KNDC1: variants seen among roughly 807,000 people sequenced by gnomAD.
KNDC1 encodes kinase non-catalytic C-lobe domain containing 1, also known as kinase non-catalytic C-lobe domain-containing protein 1.
In KNDC1, 106 loss-of-function variants were observed where a neutral mutation model predicts 172.8. The observed-to-expected ratio is 0.61, with a 90% CI of 0.52 to 0.72. The LOEUF (loss-of-function observed/expected upper bound fraction) is 0.72, where lower values mean the gene tolerates loss of function less well. Ranked by LOEUF, KNDC1 falls within the 30% of genes least tolerant of loss-of-function variation. The pLI is 0.00. For missense variants in KNDC1, 2,325 were observed against 2,394.5 expected (o/e 0.97, Z 0.61); for synonymous variants, 1,083 against 1,062.2 (o/e 1.02, Z -0.38).
rs1853776371 is a variant in KNDC1, at chr10:133,183,198, T to C, written c.361-146T>C. 4 of 994,332 alleles carry C rather than the reference T, an allele frequency of 4.0e-6. No individual in the cohort carries two copies. In the South Asian group the frequency reaches 6.8e-5, roughly 17 times the overall value. The allele number at this position is 994,332 out of a possible 1,614,324, so 61.6% of individuals were successfully genotyped here. Reference sequence around the variant, plus strand: ...GGCGTGGGCGCGGGCGGCAAGGGTGTGGGCAGCGTGGGCACGGGTGCTGCT... The same window carrying C: ...GGCGTGGGCGCGGGCGGCAAGGGTGCGGGCAGCGTGGGCACGGGTGCTGCT... On this transcript the variant is annotated intron_variant, in intron 3 of 29. Coordinates refer to ENST00000304613, the MANE Select transcript of KNDC1 (RefSeq NM_152643.8).
At chr10:133,191,378 CAG>C (rs1337152656) in intron 9 of KNDC1, among the ~76,000 whole-genome samples, 1 of 150,988 alleles carries the variant, frequency 6.6e-6, no homozygotes, top group African/African-American at 2.4e-5. Flanking sequence ...GCCTGGATGA[CAG>C]AGCCAGACCC....
intron 4 of KNDC1, 29 bp from the exon 5 acceptor site, chr10:133,183,843 C>T (rs1228458603): frequency 2.0e-6 from 3 of 1,511,938 alleles, no homozygotes; most frequent in Non-Finnish European, 2.7e-6. Context: ...TCCTCCGAGC[C>T]TTCCTGTCTG....
rs1346212811 is a variant in KNDC1 at position 133,225,573 on chromosome 10, G to A, written c.*683G>A. 1 of 152,932 alleles carries A rather than the reference G, an allele frequency of 6.5e-6. No individual in the cohort carries two copies. The highest frequency in any genetic ancestry group is 1.9e-4 in the East Asian group (1 of 5,186). The allele number at this position is 152,932 out of a possible 1,614,324, so 9.5% of individuals were successfully genotyped here. A position where few individuals can be genotyped will look rare whatever the true frequency, so the allele number is the denominator to read the frequency against. On this transcript the variant is annotated 3_prime_UTR_variant, in exon 30 of 30. Coordinates refer to ENST00000304613, the MANE Select transcript of KNDC1 (RefSeq NM_152643.8). ...CTCCCCCAGGGCCCAGGGCCCCCCAGCTTAGAACAGCCCTTGGTGAGGTGG... is the reference window on the plus strand; with the variant it reads ...CTCCCCCAGGGCCCAGGGCCCCCCAACTTAGAACAGCCCTTGGTGAGGTGG...
At chr10:133,216,200 G>A (rs1845465934) in intron 26 of KNDC1, among the ~76,000 whole-genome samples, 1 of 152,180 alleles carries the variant, frequency 6.6e-6, no homozygotes. Context: ...TTCTGACGAT[G>A]CCTGGAGTGA....
intron 5 of KNDC1, among the ~76,000 whole-genome samples, chr10:133,184,362 C>T (rs1853826796): frequency 1.3e-5 from 2 of 151,962 alleles, no homozygotes; most frequent in South Asian, 4.2e-4. Context: ...CGCTGCAACA[C>T]ACCCATGCAC....
intron 10 of KNDC1, among the ~76,000 whole-genome samples, chr10:133,196,461 G>T (rs563422636): frequency 7.0e-4 from 107 of 152,308 alleles, no homozygotes; most frequent in African/African-American, 2.5e-3. Flanking sequence ...ACCTCCTGGG[G>T]AGGAGCCGTG....
At position 133,208,750 on chromosome 10, in the gene KNDC1, C is replaced by CGTGTGCGTGACTGGGCACGTGTGCA. The variant is rs1470175225; in HGVS notation, c.3794+1405_3794+1429dup. ...TCTCTGTGCCGTTGCGGGAGACGTC[C>CGTGTGCGTGACTGGGCACGTGTGCA]GTGTGCGTGACTGGGCACGTGTGCA... On this transcript the variant is annotated intron_variant, in intron 20 of 29. Transcript: ENST00000304613. 1.2e-4 allele frequency among the ~76,000 whole-genome samples: 19 copies of CGTGTGCGTGACTGGGCACGTGTGCA among 152,300 alleles called. No homozygotes were observed. The East Asian group carries it at 3.7e-3, about 29-fold the overall frequency.
rs768486179 is a variant in KNDC1, at chr10:133,224,938, G to A, written c.*48G>A. The A allele has an allele frequency of 3.4e-6, 5 of 1,479,462 alleles. No homozygotes were observed. The highest frequency in any genetic ancestry group is 3.7e-6 in the Non-Finnish European group (4 of 1,067,694). 91.6% of individuals were successfully genotyped at this position (1,479,462 alleles called of 1,614,324 possible). On this transcript the variant is annotated 3_prime_UTR_variant, in exon 30 of 30. Coordinates refer to ENST00000304613, the MANE Select transcript of KNDC1 (RefSeq NM_152643.8). This position sits in a 1 kb window ranked among gnomAD's most constrained non-coding sequence, Gnocchi z 5.4. ...ATTCCAGATCCGAATCCGACTGTGG[G>A]GGGCGGGCTGGGAGGTGGGAGCCGC... is the stretch of plus-strand genomic sequence containing the variant.
At chr10:133,222,084 C>A (rs1319977331) in intron 29 of KNDC1, among the ~76,000 whole-genome samples, 7 of 150,360 alleles carry the variant, frequency 4.7e-5, no homozygotes. Flanking sequence ...GAGTTCAAGA[C>A]CAGCCTGGCC....
chr10:133,181,440 C>T (rs903101352), intron 3 of KNDC1, among the ~76,000 whole-genome samples: 48 of 152,208 alleles, frequency 3.2e-4, no homozygotes, highest in Admixed American at 5.9e-4. Context: ...GTGGCTGGGG[C>T]CGGTGCCAGG....
rs957249319 is a variant in KNDC1, at chr10:133,225,954, G to A, written c.*1064G>A. The A allele has an allele frequency of 1.2e-4, 19 of 152,376 alleles. No homozygotes were observed. The highest frequency in any genetic ancestry group is 3.9e-4 in the East Asian group (2 of 5,174). The allele number at this position is 152,376 out of a possible 1,614,324, so 9.4% of individuals were successfully genotyped here. A position where few individuals can be genotyped will look rare whatever the true frequency, so the allele number is the denominator to read the frequency against. Reference sequence around the variant, plus strand: ...GCTGGGTGACCAGAGCCCCGGGCACGGCCCCAGCTCCGTGGGGCTCTCACG... The same window carrying A: ...GCTGGGTGACCAGAGCCCCGGGCACAGCCCCAGCTCCGTGGGGCTCTCACG... On this transcript the variant is annotated 3_prime_UTR_variant, in exon 30 of 30. Coordinates refer to ENST00000304613, the MANE Select transcript of KNDC1 (RefSeq NM_152643.8).
intron 3 of KNDC1, among the ~76,000 whole-genome samples, chr10:133,175,445 A>G (rs922233152): frequency 9.3e-5 from 13 of 139,442 alleles, no homozygotes; most frequent in Non-Finnish European, 1.7e-4. Context: ...GAGTGGATGG[A>G]TGGGTGGGTG....
intron 3 of KNDC1, among the ~76,000 whole-genome samples, chr10:133,178,188 T>C (rs533161839): frequency 6.6e-6 from 1 of 152,068 alleles, no homozygotes; most frequent in South Asian, 2.1e-4. Flanking sequence ...CATGCATGTG[T>C]GTGCAGTGTG....
At position 133,183,412 on chromosome 10, in the gene KNDC1, A is replaced by G; in HGVS notation, c.429A>G (p.Glu143=). 1 of 1,603,920 alleles carries G rather than the reference A, an allele frequency of 6.2e-7. No homozygotes were observed. Among genetic ancestry groups the G allele is most frequent in the South Asian group, 1.1e-5 (1 of 89,202 alleles). The change falls in exon 4 of 30, where the codon GAA becomes GAG. Residue 143 remains glutamate, a synonymous_variant. Coordinates refer to ENST00000304613, the MANE Select transcript of KNDC1 (RefSeq NM_152643.8). ...ALEYVAEPTL[E]PRLSQDLEAL... is the part of the protein sequence containing the mutation. ...AGTACGTGGCAGAGCCCACACTGGA[A>G]CCCAGGCTGAGCCAAGACCTCGAGG...
chr10:133,201,842 G>T lies in KNDC1; in HGVS notation c.3331G>T (p.Val1111Leu). Residue 1111 changes from valine to leucine, a missense_variant, in exon 17 of 30, where the codon GTG (valine) becomes TTG (leucine). Physicochemically the swap from Val to Leu is conservative, Grantham distance 32. Transcript: ENST00000304613. Reference sequence around the variant, plus strand: ...CTTCGGGGCCGACGTCCACAACTACGTGAAGGACCTGGGGCGGCAGCAGGC... The same window carrying T: ...CTTCGGGGCCGACGTCCACAACTACTTGAAGGACCTGGGGCGGCAGCAGGC... ...DCFGADVHNY[V>L]KDLGRQQADG... is the part of the protein sequence containing the mutation. 6.7e-7 allele frequency: 1 copy of T among 1,486,650 alleles called. No homozygotes were observed. The highest frequency in any genetic ancestry group is 8.9e-7 in the Non-Finnish European group (1 of 1,119,794). 92.1% of individuals were successfully genotyped at this position (1,486,650 alleles called of 1,614,324 possible).
rs1382293220 is a variant in KNDC1, at chr10:133,213,730, G to A, written c.4526+3G>A. 1.1e-5 allele frequency: 18 copies of A among 1,613,626 alleles called. No homozygotes were observed. The highest frequency in any genetic ancestry group is 1.5e-5 in the Non-Finnish European group (18 of 1,179,776). ...GACAAGAGCACTGCCATCCCCAAGT[G>A]AGCGTCCGGGACCCTCAGCTGGGAG... On this transcript the variant is annotated splice_donor_region_variant and intron_variant, in intron 25 of 29. Coordinates refer to ENST00000304613, the MANE Select transcript of KNDC1 (RefSeq NM_152643.8).
intron 1 of KNDC1, among the ~76,000 whole-genome samples, chr10:133,166,630 G>A (rs968984944): frequency 2.0e-5 from 3 of 152,158 alleles, no homozygotes; most frequent in Non-Finnish European, 4.4e-5. Flanking sequence ...GCGTCCGAGT[G>A]TTACTGTGTG....
At chr10:133,219,812 G>A (rs1192912052) in intron 28 of KNDC1, 143 bp from the exon 29 acceptor site, 3 of 788,636 alleles carry the variant, frequency 3.8e-6, no homozygotes, top group Admixed American at 3.0e-5. Flanking sequence ...GGGACTGGAA[G>A]CTAATTCAGA....
chr10:133,194,550 A>G (rs1854137082), intron 9 of KNDC1, among the ~76,000 whole-genome samples: 1 of 152,234 alleles, frequency 6.6e-6, no homozygotes, highest in Non-Finnish European at 1.5e-5. Context: ...ATTTTTTAAA[A>G]GTGTAACAAG....
Sources: gnomAD v4.1 joint callset for allele counts (sites outside exome capture counted in the v4.1 genomes callset) on GRCh38, gnomAD v4.1.1 for gene constraint, Gnocchi (gnomAD v3.1) non-coding constraint, MANE v1.5 for transcripts, NCBI Gene and HGNC (gene_info 2026-07-23, HGNC 2026-07-21) for gene names.